KIAA1328: variants seen among roughly 807,000 people sequenced by gnomAD.
The protein encoded by KIAA1328 is KIAA1328.
In KIAA1328, 52 loss-of-function variants were observed where a neutral mutation model predicts 68.1. The observed-to-expected ratio is 0.76, with a 90% confidence interval of 0.61 to 0.96. KIAA1328 has a LOEUF of 0.96. Ranked by LOEUF, KIAA1328 falls within the 40% of genes least tolerant of loss-of-function variation. The pLI is 0.00. For missense variants in KIAA1328, 641 were observed against 677.6 expected (o/e 0.95, Z 0.60); for synonymous variants, 232 against 239.4 (o/e 0.97, Z 0.28).
chr18:37,132,088 C>CA (rs751202491), intron 7 of KIAA1328, among the ~76,000 whole-genome samples: 2,328 of 144,162 alleles, frequency 0.016, 34 homozygotes, highest in Non-Finnish European at 0.021. Flanking sequence ...GACCCAATGG[C>CA]AAAAAAAAAA....
intron 8 of KIAA1328, among the ~76,000 whole-genome samples, chr18:37,160,832 A>G (rs1302540223): frequency 2.0e-5 from 3 of 152,220 alleles, no homozygotes; most frequent in Non-Finnish European, 4.4e-5. Flanking sequence ...TCACAAGTCT[A>G]AAGCATTTTT....
intron 4 of KIAA1328, among the ~76,000 whole-genome samples, chr18:36,854,119 C>G (rs374400237): frequency 5.9e-5 from 9 of 152,208 alleles, no homozygotes; most frequent in African/African-American, 1.9e-4. Context: ...TCCAACATGA[C>G]GGTTACCTAT....
At chr18:37,162,349 G>C (rs2059299369) in intron 8 of KIAA1328, among the ~76,000 whole-genome samples, 1 of 151,160 alleles carries the variant, frequency 6.6e-6, no homozygotes, top group African/African-American at 2.4e-5. Flanking sequence ...AGGAACTACT[G>C]ACTTTCTTTT....
chr18:37,081,564 G>A (rs2151800108), intron 7 of KIAA1328, among the ~76,000 whole-genome samples: 1 of 152,210 alleles, frequency 6.6e-6, no homozygotes, highest in Middle Eastern at 3.4e-3. Context: ...CTAAGACATT[G>A]CTTTTATTGT....
At chr18:37,107,697 T>A (rs936789857) in intron 7 of KIAA1328, among the ~76,000 whole-genome samples, 2 of 152,194 alleles carry the variant, frequency 1.3e-5, no homozygotes, top group African/African-American at 4.8e-5. Flanking sequence ...CACTAATATT[T>A]GCACATGGAT....
intron 7 of KIAA1328, among the ~76,000 whole-genome samples, chr18:37,144,756 CTGG>C (rs2058857024): frequency 6.6e-6 from 1 of 152,048 alleles, no homozygotes; most frequent in Non-Finnish European, 1.5e-5. Context: ...TCTTGAACCC[CTGG>C]TTTGAAGTTA....
At chr18:37,203,214 C>G (rs2060147207) in intron 9 of KIAA1328, among the ~76,000 whole-genome samples, 1 of 152,052 alleles carries the variant, frequency 6.6e-6, no homozygotes, top group Admixed American at 6.5e-5. Context: ...ACCTTATAAA[C>G]AGATCCACCC....
Position 37,087,035 on chromosome 18 carries a change from C to A in KIAA1328, c.1232+19490C>A, listed in dbSNP as rs546068157. Among the ~76,000 whole-genome samples, 177 of 152,190 alleles carry A rather than the reference C, an allele frequency of 1.2e-3. 1 individual carries two copies. The highest frequency in any genetic ancestry group is 6.0e-3 in the South Asian group (29 of 4,830). ...TAAACTCTGATTTTCTTATTTTTCTCTCCTATATTTCATATCAGGTTTTTT... is the reference window on the plus strand; with the variant it reads ...TAAACTCTGATTTTCTTATTTTTCTATCCTATATTTCATATCAGGTTTTTT... On this transcript the variant is annotated intron_variant, in intron 7 of 9. Coordinates refer to ENST00000280020, the MANE Select transcript of KIAA1328 (RefSeq NM_020776.3).
intron 9 of KIAA1328, among the ~76,000 whole-genome samples, chr18:37,200,850 C>A (rs944842343): frequency 1.3e-5 from 2 of 150,516 alleles, no homozygotes; most frequent in African/African-American, 2.4e-5. Flanking sequence ...GCTGTCATTT[C>A]TCAGATAAAA....
intron 5 of KIAA1328, among the ~76,000 whole-genome samples, chr18:36,896,288 A>G (rs2048865225): frequency 6.6e-6 from 1 of 152,056 alleles, no homozygotes; most frequent in South Asian, 2.1e-4. Context: ...ATTTTTGGCA[A>G]TCTTGTTGCC....
intron 5 of KIAA1328, among the ~76,000 whole-genome samples, chr18:36,940,674 CTTTTTTT>C (rs1272164052): frequency 1.6e-5 from 2 of 127,692 alleles, no homozygotes; most frequent in African/African-American, 5.6e-5. Flanking sequence ...GCTCATTTTA[CTTTTTTT>C]TTTTTTTTTT....
chr18:36,984,383 C>G (rs1260807379), intron 6 of KIAA1328, among the ~76,000 whole-genome samples: 1 of 152,090 alleles, frequency 6.6e-6, no homozygotes, highest in African/African-American at 2.4e-5. Context: ...AAAAATGTTA[C>G]AAGAACTAAT....
chr18:36,937,915 T>C (rs894783952), intron 5 of KIAA1328, among the ~76,000 whole-genome samples: 4 of 152,200 alleles, frequency 2.6e-5, no homozygotes, highest in African/African-American at 7.2e-5. Flanking sequence ...TTCAGTTTCA[T>C]CTATGTTGCT....
At chr18:37,101,796 C>A (rs577550730) in intron 7 of KIAA1328, among the ~76,000 whole-genome samples, 65 of 152,264 alleles carry the variant, frequency 4.3e-4, no homozygotes, top group Non-Finnish European at 8.2e-4. Context: ...AAAGGGAAAC[C>A]CATCAGACTA....
intron 7 of KIAA1328, among the ~76,000 whole-genome samples, chr18:37,145,857 C>T (rs947460255): frequency 6.6e-6 from 1 of 151,920 alleles, no homozygotes; most frequent in Admixed American, 6.6e-5. Context: ...AAAGTGTTAA[C>T]TCTTGTGAAC....
intron 6 of KIAA1328, among the ~76,000 whole-genome samples, chr18:37,055,677 G>A (rs781202465): frequency 3.3e-5 from 5 of 152,180 alleles, no homozygotes; most frequent in Non-Finnish European, 5.9e-5. Flanking sequence ...TGCTCTGGGA[G>A]ATACAACGAC....
chr18:37,121,077 A>G (rs2151933635), intron 7 of KIAA1328, among the ~76,000 whole-genome samples: 1 of 152,268 alleles, frequency 6.6e-6, no homozygotes, highest in Non-Finnish European at 1.5e-5. Context: ...AATAAAAACC[A>G]AAACCATGAA....
In KIAA1328 at chr18:36,884,115, G is replaced by A. The variant is rs532169643; in HGVS notation, c.333-1442G>A. Among the ~76,000 whole-genome samples, 20 of 152,026 alleles carry A rather than the reference G, an allele frequency of 1.3e-4. No homozygotes were observed. In the East Asian group the frequency reaches 3.9e-3, roughly 29 times the overall value. On this transcript the variant is annotated intron_variant, in intron 4 of 9. Transcript: ENST00000280020. ...AGAGAGATAAGCAGAGTTTGTCAAA[G>A]TTACTTTGAAAGATGTTATTGCAAG...
intron 9 of KIAA1328, among the ~76,000 whole-genome samples, chr18:37,218,627 G>A (rs777272679): frequency 1.3e-4 from 20 of 152,150 alleles, no homozygotes; most frequent in South Asian, 4.1e-4. Context: ...TTATGCATGC[G>A]TCACGTAGTT....
Sources: allele counts gnomAD v4.1 joint callset (sites outside exome capture counted in the v4.1 genomes callset), GRCh38; gene constraint gnomAD v4.1.1; transcripts MANE v1.5; gene names NCBI Gene and HGNC (gene_info 2026-07-23, HGNC 2026-07-21).